VSIG10: variants seen among roughly 807,000 people sequenced by gnomAD.
VSIG10 encodes the protein V-set and immunoglobulin domain containing 10, also known as V-set and immunoglobulin domain-containing protein 10.
Under a neutral mutation model 58.7 loss-of-function variants are expected in VSIG10, and 48 were observed. The observed-to-expected ratio is 0.82, with a 90% CI of 0.65 to 1.04. The LOEUF (loss-of-function observed/expected upper bound fraction) is 1.04. Ranked by LOEUF, VSIG10 falls within the 50% of genes least tolerant of loss-of-function variation. VSIG10 has a pLI of 0.00. For missense variants in VSIG10, 628 were observed against 670.0 expected, an observed-to-expected ratio of 0.94 and a Z score of 0.69; for synonymous variants, 260 against 267.1, an observed-to-expected ratio of 0.97 and a Z score of 0.26.
intron 2 of VSIG10, 37 bp from the exon 3 acceptor site, chr12:118,082,466 T>C (rs777807700): frequency 6.3e-7 from 1 of 1,575,372 alleles, no homozygotes; most frequent in Non-Finnish European, 8.6e-7. Context: ...GCATTAATTA[T>C]GTAAGAGCTC....
In VSIG10 at chr12:118,068,511, A is replaced by G; in HGVS notation, c.1433T>C (p.Val478Ala). 1 of 1,607,012 alleles carries G rather than the reference A, an allele frequency of 6.2e-7. No homozygotes were observed. The highest frequency in any genetic ancestry group is 1.7e-4 in the Middle Eastern group (1 of 6,052). ...CTCACGTGCTCCCTCCTGTTCCCCTACTGCAGCATCTTCCTCCTCCTCCTC... is the reference window on the plus strand; with the variant it reads ...CTCACGTGCTCCCTCCTGTTCCCCTGCTGCAGCATCTTCCTCCTCCTCCTC... ...EEEEEEEDAAVGEQEGARERE... is the reference protein window; with the variant it reads ...EEEEEEEDAAAGEQEGARERE... The change falls in exon 8 of 9, where the codon GTA becomes GCA. Residue 478 changes from valine to alanine, a missense_variant. Coordinates refer to ENST00000359236, the MANE Select transcript of VSIG10 (RefSeq NM_019086.6).
chr12:118,075,092 GTA>G (rs1345610165), intron 4 of VSIG10, among the ~76,000 whole-genome samples: 5 of 147,290 alleles, frequency 3.4e-5, no homozygotes, highest in Admixed American at 2.7e-4. Context: ...GTATATATAT[GTA>G]TATATGTATA....
chr12:118,069,212 C>T (rs2032380383), intron 7 of VSIG10, among the ~76,000 whole-genome samples: 1 of 152,050 alleles, frequency 6.6e-6, no homozygotes, highest in African/African-American at 2.4e-5. Flanking sequence ...GCCTCAGCCA[C>T]CCAAGTAGCT....
intron 2 of VSIG10, among the ~76,000 whole-genome samples, chr12:118,089,705 A>G (rs1278628130): frequency 1.3e-5 from 2 of 152,120 alleles, no homozygotes; most frequent in African/African-American, 4.8e-5. Flanking sequence ...AATCTTTGAG[A>G]ATTGGCAGAA....
chr12:118,095,788 C>T lies in VSIG10; in HGVS notation c.106G>A (p.Val36Ile), dbSNP rs1248826748. 1 of 1,611,460 alleles carries T rather than the reference C, an allele frequency of 6.2e-7. No individual in the cohort carries two copies. The change falls in exon 2 of 9, where the codon GTT (valine) becomes ATT (isoleucine). Residue 36 changes from valine (V) to isoleucine (I), a missense_variant. Coordinates refer to ENST00000359236, the MANE Select transcript of VSIG10 (RefSeq NM_019086.6). ...VGLEAVVIGE[V>I]HENVTLHCGN... ...CAGTGCAGAGTAACATTCTCATGAA[C>T]TTCTCCAATGACAACAGCCTCCAAT...
chr12:118,079,269 A>G, intron 4 of VSIG10, 77 bp downstream of exon 4: 1 of 1,550,316 alleles, frequency 6.5e-7, no homozygotes, highest in Non-Finnish European at 8.7e-7. Context: ...CTTCCTCAGA[A>G]GAACTCTCAA....
intron 2 of VSIG10, among the ~76,000 whole-genome samples, chr12:118,091,426 AC>A (rs2033293394): frequency 6.6e-6 from 1 of 151,292 alleles, no homozygotes; most frequent in Admixed American, 6.6e-5. Flanking sequence ...CGGAAGGTGG[AC>A]CTTGCAGTGA....
chr12:118,095,844 C>T lies in VSIG10; in HGVS notation c.80-30G>A, dbSNP rs376913417. ...ACAAGGCAAGATCAGGCTGTTACTA[C>T]CCTTCTTAATTTCTAAACAATGTCC... On this transcript the variant is annotated intron_variant, in intron 1 of 8. Transcript: ENST00000359236. 5.7e-6 allele frequency: 9 copies of T among 1,576,826 alleles called. No individual in the cohort carries two copies. The Admixed American group carries it at 9.1e-5, about 16-fold the overall frequency.
In VSIG10 at chr12:118,079,376, C is replaced by G. The variant is rs754865556; in HGVS notation, c.895G>C (p.Glu299Gln). The G allele has an allele frequency of 6.2e-7, 1 of 1,614,008 alleles. No individual in the cohort carries two copies. Among genetic ancestry groups the G allele is most frequent in the Non-Finnish European group, 8.5e-7 (1 of 1,179,888 alleles). The change falls in exon 4 of 9, where the codon GAG (glutamate) becomes CAG (glutamine). Residue 299 changes from glutamate (E) to glutamine (Q), a missense_variant. Transcript: ENST00000359236. ...TGCACCATGCAGCTGGCGCCCGACT[C>G]TGGCCCAACTATGTGGCTTGTAACA... ...KCVTSHIVGP[E>Q]SGASCMVQIR...
rs1444648851 is a variant in VSIG10 at position 118,074,614 on chromosome 12, G to T, written c.926-622C>A. ...CTGCCTCAGCCTCCCAAGTGGCTGGGATTACAGGCATGAGCCACCACGCCC... is the reference window on the plus strand; with the variant it reads ...CTGCCTCAGCCTCCCAAGTGGCTGGTATTACAGGCATGAGCCACCACGCCC... On this transcript the variant is annotated intron_variant, in intron 4 of 8. Transcript: ENST00000359236. 2.6e-5 allele frequency among the ~76,000 whole-genome samples: 4 copies of T among 152,010 alleles called. No individual in the cohort carries two copies. The East Asian group carries it at 7.7e-4, about 29-fold the overall frequency.
In VSIG10 at chr12:118,098,262, T is replaced by TCC. The variant is rs1470659546; in HGVS notation, c.80-2450_80-2449dup. ...CTCTCTCTCCGCCTCTCCCTCTCTC[T>TCC]CCGCCTCTCCCTCTCTCTCCGCCTC... On this transcript the variant is annotated intron_variant, in intron 1 of 8. Coordinates refer to ENST00000359236, the MANE Select transcript of VSIG10 (RefSeq NM_019086.6). 3.5e-3 allele frequency among the ~76,000 whole-genome samples: 518 copies of TCC among 146,408 alleles called. 5 individuals carry two copies. The highest frequency in any genetic ancestry group is 0.013 in the African/African-American group (503 of 38,728).
chr12:118,082,066 G>A, intron 3 of VSIG10, 61 bp downstream of exon 3: 27 of 1,418,096 alleles, frequency 1.9e-5, no homozygotes, highest in Non-Finnish European at 2.5e-5. Flanking sequence ...CAAACGTGCA[G>A]TTCATAAGTT....
At chr12:118,094,812 C>A (rs1239117059) in intron 2 of VSIG10, among the ~76,000 whole-genome samples, 1 of 151,830 alleles carries the variant, frequency 6.6e-6, no homozygotes, top group East Asian at 1.9e-4. Context: ...TCTTGGCTCA[C>A]TGCAACCTCC....
Position 118,066,768 on chromosome 12 carries a change from T to A in VSIG10, c.1568-74A>T, listed in dbSNP as rs2032263998. On this transcript the variant is annotated intron_variant, in intron 8 of 8. Coordinates refer to ENST00000359236, the MANE Select transcript of VSIG10 (RefSeq NM_019086.6). ...TATTTCCACCGTCAGTCATCAATCA[T>A]CTCAGTGATTTCTAGTCCTTTCCTG... is the stretch of plus-strand genomic sequence containing the variant. 3.4e-6 allele frequency: 5 copies of A among 1,450,960 alleles called. No homozygotes were observed. In the South Asian group the frequency reaches 6.6e-5, roughly 19 times the overall value. The allele number at this position is 1,450,960 out of a possible 1,614,324, so 89.9% of individuals were successfully genotyped here.
At position 118,066,713 on chromosome 12, in the gene VSIG10, A is replaced by G; in HGVS notation, c.1568-19T>C. 17 of 1,578,274 alleles carry G rather than the reference A, an allele frequency of 1.1e-5. No individual in the cohort carries two copies. The highest frequency in any genetic ancestry group is 1.5e-5 in the Non-Finnish European group (17 of 1,158,862). ...CTGTCATCTGTATGGGGGGAAATAA[A>G]CCCAATGCTTTGTAATCAGAGTGTG... On this transcript the variant is annotated intron_variant, in intron 8 of 8. Transcript: ENST00000359236.
chr12:118,075,118 ATATATATGTG>A (rs1566159588), intron 4 of VSIG10, among the ~76,000 whole-genome samples: 3 of 147,778 alleles, frequency 2.0e-5, no homozygotes, highest in African/African-American at 7.5e-5. Context: ...GTGTATATGT[ATATATATGTG>A]TATATATGTA....
At chr12:118,076,128 A>T (rs2032716117) in intron 4 of VSIG10, among the ~76,000 whole-genome samples, 1 of 152,200 alleles carries the variant, frequency 6.6e-6, no homozygotes. Flanking sequence ...GATGTAATAG[A>T]TTGTGACAAA....
chr12:118,082,193 T>A lies in VSIG10; in HGVS notation c.598A>T (p.Thr200Ser), dbSNP rs1339204793. ...CTGAGCTGATTCAAGGCTAAACAGGTGTAGTTCCCTTGGAGGTTTGGCGAT... is the reference window on the plus strand; with the variant it reads ...CTGAGCTGATTCAAGGCTAAACAGGAGTAGTTCCCTTGGAGGTTTGGCGAT... Reference protein sequence around the residue: ...LISPNLQGNYTCLALNQLSKR... With the variant: ...LISPNLQGNYSCLALNQLSKR... The change falls in exon 3 of 9, where the codon ACC becomes TCC. Residue 200 changes from threonine (T) to serine (S), a missense_variant. Physicochemically the swap from Thr to Ser is moderately conservative, Grantham distance 58 (BLOSUM62 1). Coordinates refer to ENST00000359236, the MANE Select transcript of VSIG10 (RefSeq NM_019086.6). The A allele has an allele frequency of 1.9e-6, 3 of 1,613,704 alleles. No individual in the cohort carries two copies. Among genetic ancestry groups the A allele is most frequent in the East Asian group, 4.5e-5 (2 of 44,870 alleles).
chr12:118,071,930 G>A (rs531105545), intron 5 of VSIG10, among the ~76,000 whole-genome samples: 1 of 152,358 alleles, frequency 6.6e-6, no homozygotes, highest in East Asian at 1.9e-4. Context: ...AGCACTTTGG[G>A]AGGCTGAGGA....
Sources: allele counts gnomAD v4.1 joint callset (sites outside exome capture counted in the v4.1 genomes callset), GRCh38; gene constraint gnomAD v4.1.1; transcripts MANE v1.5; gene names NCBI Gene and HGNC (gene_info 2026-07-23, HGNC 2026-07-21).